The following NOL4L variants were observed in gnomAD, a reference collection of about 807,000 sequenced individuals.
NOL4L encodes the protein nucleolar protein 4 like.
NOL4L carries 7 observed loss-of-function variants against 64.5 expected under a neutral mutation model. The observed-to-expected ratio is 0.11, with a 90% confidence interval of 0.06 to 0.20. NOL4L has a LOEUF of 0.20. Ranked by LOEUF, NOL4L falls within the 10% of genes least tolerant of loss-of-function variation. NOL4L has a pLI of 1.00. For synonymous variants in NOL4L, 413 were observed against 401.0 expected (o/e 1.03, Z -0.36); for missense variants, 680 against 967.1 (o/e 0.70, Z 3.94).
chr20:32,490,389 T>C (rs987364785), intron 4 of NOL4L, among the ~76,000 whole-genome samples: 1 of 152,032 alleles, frequency 6.6e-6, no homozygotes, highest in Non-Finnish European at 1.5e-5. Context: ...TGACATTTAC[T>C]GTGAATCAAA....
chr20:32,494,930 CCTGGCTTATTCA>C (rs1232991334), intron 4 of NOL4L, among the ~76,000 whole-genome samples: 1 of 147,954 alleles, frequency 6.8e-6, no homozygotes, highest in Non-Finnish European at 1.5e-5. Flanking sequence ...CAAAAGCATT[CCTGGCTTATTCA>C]CATGGCTCCT....
intron 4 of NOL4L, among the ~76,000 whole-genome samples, chr20:32,488,621 G>A (rs2016197514): frequency 6.6e-6 from 1 of 152,138 alleles, no homozygotes; most frequent in African/African-American, 2.4e-5. Context: ...TCAATCTGAG[G>A]GAGGAAGAAC....
intron 10 of NOL4L, 62 bp from the exon 11 acceptor site, chr20:32,447,878 A>G (rs2012456021): frequency 1.3e-6 from 2 of 1,510,978 alleles, no homozygotes; most frequent in Admixed American, 2.2e-5. Context: ...TGGGAGGTGT[A>G]CCTTCCTTGG....
At chr20:32,512,405 C>T (rs531224455) in intron 3 of NOL4L, among the ~76,000 whole-genome samples, 1 of 152,306 alleles carries the variant, frequency 6.6e-6, no homozygotes, top group African/African-American at 2.4e-5. Context: ...CTTATGCCTC[C>T]CAGGTCTGAG....
rs947454316 is a variant in NOL4L, at chr20:32,559,672, C to A, written c.321+24898G>T. On this transcript the variant is annotated intron_variant, in intron 1 of 10. Transcript: ENST00000621426. ...GAACCCAGGCCCCCAGGCGCCAGGACTGGAATGCATGGCCTAGTTCTGAGG... is the reference window on the plus strand; with the variant it reads ...GAACCCAGGCCCCCAGGCGCCAGGAATGGAATGCATGGCCTAGTTCTGAGG... Among the ~76,000 whole-genome samples the A allele has an allele frequency of 3.3e-5, 5 of 152,372 alleles. No individual in the cohort carries two copies. In the South Asian group the frequency reaches 1.0e-3, roughly 32 times the overall value.
intron 4 of NOL4L, among the ~76,000 whole-genome samples, chr20:32,499,207 A>G (rs552856949): frequency 4.6e-5 from 7 of 152,042 alleles, no homozygotes; most frequent in African/African-American, 1.7e-4. Context: ...TAAATGCCCT[A>G]TTTTGCATGA....
At chr20:32,515,574 G>A (rs1431477559) in intron 3 of NOL4L, among the ~76,000 whole-genome samples, 4 of 151,078 alleles carry the variant, frequency 2.6e-5, no homozygotes, top group Non-Finnish European at 5.9e-5. Context: ...GCAGGGGCCA[G>A]TGGAAGCCGC....
chr20:32,475,110 ACT>A (rs1412108614), intron 4 of NOL4L: 1 of 985,256 alleles, frequency 1.0e-6, no homozygotes, highest in African/African-American at 1.7e-5. Flanking sequence ...ACCGGGGCTC[ACT>A]CTGCACAGGA....
chr20:32,486,605 A>G (rs2016095741), intron 4 of NOL4L: 1 of 415,762 alleles, frequency 2.4e-6, no homozygotes, highest in South Asian at 1.9e-5. Flanking sequence ...TCTTAGCGTG[A>G]CCAGAGCAGA....
chr20:32,467,869 G>A (rs560498467), intron 5 of NOL4L, among the ~76,000 whole-genome samples: 1 of 152,190 alleles, frequency 6.6e-6, no homozygotes, highest in African/African-American at 2.4e-5. Context: ...AGGGGAGGGG[G>A]CCGGGCCAAG....
intron 2 of NOL4L, among the ~76,000 whole-genome samples, chr20:32,522,379 G>A (rs767360285): frequency 1.8e-4 from 27 of 152,372 alleles, no homozygotes; most frequent in Non-Finnish European, 3.5e-4. Flanking sequence ...GCAAACCCCA[G>A]TGTCTCTGAC....
chr20:32,454,811 A>G (rs1036665861), intron 6 of NOL4L, among the ~76,000 whole-genome samples: 9 of 152,210 alleles, frequency 5.9e-5, no homozygotes, highest in African/African-American at 2.2e-4. Flanking sequence ...AGACCCTGTG[A>G]TGTGGCAGCA....
chr20:32,492,579 A>G (rs763980504), intron 4 of NOL4L, among the ~76,000 whole-genome samples: 3 of 152,206 alleles, frequency 2.0e-5, no homozygotes, highest in Non-Finnish European at 2.9e-5. Flanking sequence ...ATGCTTCAGT[A>G]GAAGTTTCAA....
At chr20:32,485,701 G>A (rs1337362947) in intron 4 of NOL4L, 1 of 468,844 alleles carries the variant, frequency 2.1e-6, no homozygotes, top group Non-Finnish European at 4.4e-6. Flanking sequence ...ACGAACTAGT[G>A]GCCACAGCTC....
At chr20:32,538,509 A>C (rs1180023243) in intron 1 of NOL4L, among the ~76,000 whole-genome samples, 5 of 109,212 alleles carry the variant, frequency 4.6e-5, no homozygotes, top group Admixed American at 1.0e-4. Flanking sequence ...CTCCTCCTTC[A>C]TGGCTGGGGT....
chr20:32,519,862 G>C (rs1459364418), intron 3 of NOL4L: 6 of 152,300 alleles, frequency 3.9e-5, no homozygotes, highest in Admixed American at 2.0e-4. Flanking sequence ...AGGCTGGAGT[G>C]CAGTGGCATG....
rs574826666 is a variant in NOL4L at position 32,446,228 on chromosome 20, T to TATCATCA, written c.*1367_*1368insTGATGAT. 2 of 151,768 alleles carry TATCATCA rather than the reference T, an allele frequency of 1.3e-5. No homozygotes were observed. Among genetic ancestry groups the TATCATCA allele is most frequent in the East Asian group, 2.0e-4 (1 of 5,098 alleles). 9.4% of individuals were successfully genotyped at this position (151,768 alleles called of 1,614,324 possible). A position where few individuals can be genotyped will look rare whatever the true frequency, so the allele number is the denominator to read the frequency against. ...ATTGCACTGAGCAAGAGGAAGTGCCTATCAATCAATCAATCAGGGAGGAAG... is the reference window on the plus strand; with the variant it reads ...ATTGCACTGAGCAAGAGGAAGTGCCTATCATCAATCAATCAATCAATCAGGGAGGAAG... On this transcript the variant is annotated 3_prime_UTR_variant, in exon 11 of 11. Transcript: ENST00000621426.
At position 32,488,819 on chromosome 20, in the gene NOL4L, T is replaced by TTC. The variant is rs747964999; in HGVS notation, c.700-14079_700-14078dup. ...TCTTTCTTTCTTTTTCTTTCTTTCT[T>TTC]TCTTTCTTTTTCTTTCTTTCTTTCT... On this transcript the variant is annotated intron_variant, in intron 4 of 10. Transcript: ENST00000621426. 1.6e-3 allele frequency among the ~76,000 whole-genome samples: 29 copies of TTC among 18,002 alleles called. 2 individuals carry two copies. The highest frequency in any genetic ancestry group is 3.8e-3 in the South Asian group (2 of 526). 11.8% of individuals were successfully genotyped at this position (18,002 alleles called of 152,430 possible).
chr20:32,580,141 G>A (rs1980377575), intron 1 of NOL4L, among the ~76,000 whole-genome samples: 1 of 152,204 alleles, frequency 6.6e-6, no homozygotes, highest in Non-Finnish European at 1.5e-5. Context: ...GCAAGGCCCT[G>A]GCATTGGTGT....
Sources: gnomAD v4.1 joint callset for allele counts (sites outside exome capture counted in the v4.1 genomes callset) on GRCh38, gnomAD v4.1.1 for gene constraint, MANE v1.5 for transcripts, NCBI Gene and HGNC (gene_info 2026-07-23, HGNC 2026-07-21) for gene names.